Variants in PHF20 observed in about 807,000 individuals in gnomAD.
The protein encoded by PHF20 is glioma-expressed antigen 2.
A neutral mutation model predicts 113.5 loss-of-function variants in PHF20; 23 were observed. The observed-to-expected ratio is 0.20, with a 90% CI of 0.15 to 0.29. The LOEUF is 0.29. Ranked by LOEUF, PHF20 falls within the 10% of genes least tolerant of loss-of-function variation. The pLI, the probability that PHF20 is intolerant of heterozygous loss-of-function variation, is 1.00. For missense variants in PHF20, 943 were observed against 1,219.6 expected (o/e 0.77, Z 3.38); for synonymous variants, 434 against 457.3 (o/e 0.95, Z 0.65).
chr20:35,850,778 G>T, intron 4 of PHF20: 1 of 684,182 alleles, frequency 1.5e-6, no homozygotes, highest in South Asian at 1.6e-5. Flanking sequence ...TACAGAAAGT[G>T]GGTCCACTAG....
intron 16 of PHF20, among the ~76,000 whole-genome samples, chr20:35,940,593 T>C (rs1306405366): frequency 6.6e-6 from 1 of 152,158 alleles, no homozygotes; most frequent in Non-Finnish European, 1.5e-5. Flanking sequence ...CTGGAAGCCA[T>C]TCTGTGAGGC....
intron 2 of PHF20, among the ~76,000 whole-genome samples, chr20:35,816,382 T>C (rs2042073885): frequency 6.6e-6 from 1 of 152,218 alleles, no homozygotes; most frequent in African/African-American, 2.4e-5. Flanking sequence ...TAAGGATTTT[T>C]TGACATTTGA....
In PHF20 at chr20:35,914,216, C is replaced by G. The variant is rs1425196284; in HGVS notation, c.1825+19C>G. The G allele has an allele frequency of 1.2e-6, 2 of 1,606,462 alleles. No individual in the cohort carries two copies. The highest frequency in any genetic ancestry group is 1.3e-5 in the African/African-American group (1 of 74,718). On this transcript the variant is annotated intron_variant, in intron 12 of 17. Coordinates refer to ENST00000374012, the MANE Select transcript of PHF20 (RefSeq NM_016436.5). ...GCATTGGGTAAGGAGGCTCTTCTGT[C>G]CTGATCATTTGCTGATCATTTATTG...
intron 13 of PHF20, among the ~76,000 whole-genome samples, chr20:35,919,462 C>T (rs2055471200): frequency 6.6e-6 from 1 of 151,968 alleles, no homozygotes; most frequent in Non-Finnish European, 1.5e-5. Context: ...GCCTCAGCCC[C>T]CTGAGTAGCT....
intron 10 of PHF20, among the ~76,000 whole-genome samples, chr20:35,903,081 T>TC (rs1418798278): frequency 1.4e-5 from 2 of 143,526 alleles, no homozygotes; most frequent in African/African-American, 5.5e-5. Flanking sequence ...TCCTTTCTTT[T>TC]TTTTTTTTTT....
intron 10 of PHF20, among the ~76,000 whole-genome samples, chr20:35,906,811 G>A (rs573962327): frequency 1.3e-5 from 2 of 152,326 alleles, no homozygotes; most frequent in South Asian, 4.1e-4. Flanking sequence ...GAGAAATAGT[G>A]TTGGGAAGGG....
intron 3 of PHF20, chr20:35,845,448 C>T: frequency 2.8e-6 from 1 of 362,622 alleles, no homozygotes; most frequent in Non-Finnish European, 5.8e-6. Context: ...TTAATGTAGC[C>T]TTGACCTCTT....
chr20:35,880,308 G>A (rs1363178684), intron 9 of PHF20, among the ~76,000 whole-genome samples: 2 of 152,166 alleles, frequency 1.3e-5, no homozygotes, highest in Non-Finnish European at 1.5e-5. Flanking sequence ...ACCATAGGGC[G>A]ATTTCTGAGA....
intron 9 of PHF20, among the ~76,000 whole-genome samples, chr20:35,875,025 G>A (rs1259943762): frequency 1.3e-5 from 2 of 152,088 alleles, no homozygotes; most frequent in African/African-American, 4.8e-5. Context: ...ACTTGAACCA[G>A]GGAGGTCGAG....
At position 35,949,673 on chromosome 20, in the gene PHF20, C is replaced by A. The variant is rs747083504; in HGVS notation, c.*2046C>A. On this transcript the variant is annotated 3_prime_UTR_variant, in exon 18 of 18. Coordinates refer to ENST00000374012, the MANE Select transcript of PHF20 (RefSeq NM_016436.5). Reference sequence around the variant, plus strand: ...TAAAGCCATGTTGAGGGGCTCCATTCCCAATTCCTGGGTCAAGGTGAATTA... The same window carrying A: ...TAAAGCCATGTTGAGGGGCTCCATTACCAATTCCTGGGTCAAGGTGAATTA... 3 of 152,664 alleles carry A rather than the reference C, an allele frequency of 2.0e-5. No individual in the cohort carries two copies. The highest frequency in any genetic ancestry group is 1.5e-5 in the Non-Finnish European group (1 of 68,042). 9.5% of individuals were successfully genotyped at this position (152,664 alleles called of 1,614,324 possible). A position where few individuals can be genotyped will look rare whatever the true frequency, so the allele number is the denominator to read the frequency against.
At chr20:35,809,968 C>T (rs185737064) in intron 2 of PHF20, among the ~76,000 whole-genome samples, 204 of 152,210 alleles carry the variant, frequency 1.3e-3, no homozygotes, top group East Asian at 4.4e-3. Context: ...TTGCTCTTGT[C>T]GCCTAGGCTG....
At chr20:35,918,389 A>G (rs1444219749) in intron 13 of PHF20, among the ~76,000 whole-genome samples, 1 of 152,114 alleles carries the variant, frequency 6.6e-6, no homozygotes, top group African/African-American at 2.4e-5. Flanking sequence ...TATTGTTGGG[A>G]AAATAGACTG....
intron 1 of PHF20, among the ~76,000 whole-genome samples, chr20:35,790,213 T>A (rs1040300074): frequency 1.8e-4 from 27 of 151,914 alleles, no homozygotes; most frequent in African/African-American, 6.5e-4. Context: ...AATAACTTTT[T>A]TTTTTTTGAC....
At chr20:35,864,065 G>A (rs1036312578) in intron 6 of PHF20, among the ~76,000 whole-genome samples, 1 of 152,036 alleles carries the variant, frequency 6.6e-6, no homozygotes, top group Non-Finnish European at 1.5e-5. Flanking sequence ...CCAAACACTC[G>A]TTCTCCAAAT....
intron 1 of PHF20, among the ~76,000 whole-genome samples, chr20:35,776,066 C>T (rs993661292): frequency 2.0e-5 from 3 of 152,214 alleles, no homozygotes; most frequent in African/African-American, 7.2e-5. Context: ...ACCTTAGCTT[C>T]CCAAAGTGTT....
intron 5 of PHF20, among the ~76,000 whole-genome samples, chr20:35,860,032 T>A (rs565219561): frequency 6.6e-6 from 1 of 152,144 alleles, no homozygotes; most frequent in African/African-American, 2.4e-5. Flanking sequence ...GTGATTCTCG[T>A]CTCAGCCTTC....
intron 2 of PHF20, among the ~76,000 whole-genome samples, chr20:35,831,336 T>G (rs928042304): frequency 6.6e-6 from 1 of 151,884 alleles, no homozygotes. Flanking sequence ...ATTAAAAAAA[T>G]TTTTTTTTGT....
At chr20:35,891,944 A>G (rs576352843) in intron 9 of PHF20, among the ~76,000 whole-genome samples, 77 of 152,160 alleles carry the variant, frequency 5.1e-4, no homozygotes, top group Non-Finnish European at 3.1e-4. Flanking sequence ...ATCTTGGCTC[A>G]CTGCAACCTC....
chr20:35,938,745 G>A lies in PHF20; in HGVS notation c.2349G>A (p.Gln783=). Residue 783 remains glutamine (Q), a synonymous_variant, in exon 16 of 18, where the codon CAG becomes CAA. Transcript: ENST00000374012. ...DLPLWCQPWK[Q]HSGEGRSHFR... ...CGCTGTGGTGCCAGCCTTGGAAACA[G>A]CACTCAGGGGAGGGGAGATCTCATT... is the stretch of plus-strand genomic sequence containing the variant. 6.2e-7 allele frequency: 1 copy of A among 1,613,878 alleles called. No individual in the cohort carries two copies. The highest frequency in any genetic ancestry group is 8.5e-7 in the Non-Finnish European group (1 of 1,179,874).
Sources: allele counts gnomAD v4.1 joint callset (sites outside exome capture counted in the v4.1 genomes callset), GRCh38; gene constraint gnomAD v4.1.1; transcripts MANE v1.5; gene names NCBI Gene and HGNC (gene_info 2026-07-23, HGNC 2026-07-21).